Variants in GPI observed in about 807,000 individuals in gnomAD.
GPI encodes the protein glucose-6-phosphate isomerase.
A neutral mutation model predicts 75.8 loss-of-function variants in GPI; 56 were observed. That is an observed-to-expected ratio of 0.74 (90% CI 0.60 to 0.92). The LOEUF (loss-of-function observed/expected upper bound fraction) is 0.92. Among genes scored for constraint, GPI ranks in the 40% least tolerant of loss-of-function variants. GPI has a pLI of 0.00. For missense variants in GPI, 638 were observed against 741.0 expected (o/e 0.86, Z 1.61); for synonymous variants, 288 against 285.4 (o/e 1.01, Z -0.09).
intron 14 of GPI, chr19:34,397,622 C>G (rs1488572884): frequency 6.6e-6 from 1 of 150,964 alleles, no homozygotes; most frequent in South Asian, 2.1e-4. Context: ...CTGAGACTTA[C>G]AGGCACTAAC....
intron 8 of GPI, among the ~76,000 whole-genome samples, chr19:34,380,144 A>G (rs1208688029): frequency 1.3e-5 from 2 of 150,494 alleles, no homozygotes; most frequent in African/African-American, 2.4e-5. Context: ...TTACAGGTGC[A>G]CGCCACCATG....
At position 34,365,293 on chromosome 19, in the gene GPI, G is replaced by C; in HGVS notation, c.27G>C (p.Gln9His). 1 of 1,581,470 alleles carries C rather than the reference G, an allele frequency of 6.3e-7. No individual in the cohort carries two copies. The highest frequency in any genetic ancestry group is 1.1e-5 in the South Asian group (1 of 88,022). The change falls in exon 1 of 18, where the codon CAG (glutamine) becomes CAC (histidine). Residue 9 changes from glutamine (Q) to histidine (H), a missense_variant. Transcript: ENST00000356487. ...TGGCCGCTCTCACCCGGGACCCCCAGTTCCAGAAGCTGCAGCAATGGTACC... is the reference window on the plus strand; with the variant it reads ...TGGCCGCTCTCACCCGGGACCCCCACTTCCAGAAGCTGCAGCAATGGTACC... MAALTRDP[Q>H]FQKLQQWYRE... is the part of the protein sequence containing the mutation.
chr19:34,380,830 C>G (rs2074638603), intron 8 of GPI: 1 of 181,494 alleles, frequency 5.5e-6, no homozygotes, highest in South Asian at 1.2e-4. Context: ...CAGTGCCTAC[C>G]CAGCTGCAGC....
At chr19:34,385,188 A>C (rs2074715054) in intron 9 of GPI, among the ~76,000 whole-genome samples, 2 of 152,154 alleles carry the variant, frequency 1.3e-5, no homozygotes, top group Non-Finnish European at 2.9e-5. Context: ...TTTCTACTAA[A>C]AAATACAAAA....
upstream of GPI, among the ~76,000 whole-genome samples, chr19:34,362,360 G>GAAA (rs2074306056): frequency 2.0e-5 from 3 of 152,278 alleles, no homozygotes; most frequent in South Asian, 6.2e-4. Flanking sequence ...AAGTAAATGT[G>GAAA]AAATCTGGAA....
chr19:34,368,545 G>C (rs777850547), intron 3 of GPI, 38 bp from the exon 4 acceptor site: 20 of 1,605,828 alleles, frequency 1.2e-5, no homozygotes, highest in Middle Eastern at 1.7e-4. Flanking sequence ...GCCTGGGGTT[G>C]GGGGGGGCAG....
At position 34,393,742 on chromosome 19, in the gene GPI, G is replaced by A. The variant is rs560277140; in HGVS notation, c.880G>A (p.Glu294Lys). Residue 294 changes from glutamate to lysine, a missense_variant, in exon 11 of 18, where the codon GAG becomes AAG. Physicochemically the swap from Glu to Lys is moderately conservative, Grantham distance 56. Transcript: ENST00000356487. The surrounding 1 kb of genome is among the most constrained non-coding windows in gnomAD (Gnocchi z 4.4). ...TTGTGTCACAGGTTTTGACAACTTC[G>A]AGCAGCTGCTCTCGGGGGCTCACTG... ...IALHVGFDNF[E>K]QLLSGAHWMD... 9.0e-5 allele frequency: 146 copies of A among 1,613,378 alleles called. 1 individual carries two copies. In the South Asian group the frequency reaches 1.5e-3, roughly 16 times the overall value.
intron 6 of GPI, 55 bp from the exon 7 acceptor site, chr19:34,378,879 A>G (rs2074594575): frequency 7.3e-7 from 1 of 1,364,984 alleles, no homozygotes; most frequent in Non-Finnish European, 1.0e-6. Context: ...CCCTGGCTCA[A>G]GGCCTGCACC....
chr19:34,361,889 G>A (rs992493876), upstream of GPI, among the ~76,000 whole-genome samples: 2 of 151,908 alleles, frequency 1.3e-5, no homozygotes, highest in African/African-American at 4.8e-5. Flanking sequence ...GGCTGAGGCA[G>A]ACGGATCACG....
In GPI at chr19:34,393,489, G is replaced by A. The variant is rs1280119028; in HGVS notation, c.865+181G>A. The A allele has an allele frequency of 1.9e-5, 14 of 728,272 alleles. No individual in the cohort carries two copies. Among genetic ancestry groups the A allele is most frequent in the Non-Finnish European group, 3.4e-5 (14 of 409,346 alleles). 45.1% of individuals were successfully genotyped at this position (728,272 alleles called of 1,614,324 possible). On this transcript the variant is annotated intron_variant, in intron 10 of 17. Transcript: ENST00000356487. The surrounding 1 kb of genome is among the most constrained non-coding windows in gnomAD (Gnocchi z 4.4). ...GGTCTGGGTTTTTTTGCGTGTGCAAGTTGGCCCCCGTCTTTGCCCCTCACA... is the reference window on the plus strand; with the variant it reads ...GGTCTGGGTTTTTTTGCGTGTGCAAATTGGCCCCCGTCTTTGCCCCTCACA...
At chr19:34,396,508 G>C in intron 13 of GPI, 73 bp from the exon 14 acceptor site, 1 of 1,611,878 alleles carries the variant, frequency 6.2e-7, no homozygotes, top group Non-Finnish European at 8.5e-7. Flanking sequence ...ACTTAGGTCA[G>C]TGCCCTCCTC....
At chr19:34,383,100 T>G (rs989570995) in intron 9 of GPI, among the ~76,000 whole-genome samples, 5 of 152,116 alleles carry the variant, frequency 3.3e-5, no homozygotes, top group Non-Finnish European at 7.4e-5. Context: ...GAGGTAATTC[T>G]TGGTCCGCCA....
At chr19:34,380,368 C>G (rs1396863127) in intron 8 of GPI, among the ~76,000 whole-genome samples, 3 of 152,118 alleles carry the variant, frequency 2.0e-5, no homozygotes, top group Non-Finnish European at 4.4e-5. Context: ...ACTGCAACCT[C>G]TGCCTTCTGG....
At position 34,377,523 on chromosome 19, in the gene GPI, G is replaced by A. The variant is rs1370524959; in HGVS notation, c.423G>A (p.Trp141Ter). Residue 141 changes from tryptophan (W) to a stop codon, truncating the protein, a stop_gained, in exon 5 of 18, where the codon TGG (tryptophan) becomes TGA (stop). Coordinates refer to ENST00000356487, the MANE Select transcript of GPI (RefSeq NM_000175.5). LOFTEE classifies it high-confidence loss of function. The stretch of plus-strand genomic sequence containing the variant: ...GCCAGCGTGTCCGGAGCGGTGACTG[G>A]AAGGGGTACACAGGCAAGACCATCA... ...SFCQRVRSGD[W>*]KGYTGKTITD... 6.2e-7 allele frequency: 1 copy of A among 1,612,914 alleles called. No homozygotes were observed. The highest frequency in any genetic ancestry group is 1.1e-5 in the South Asian group (1 of 91,032).
At chr19:34,367,260 G>A (rs1224988034) in intron 3 of GPI, 1 of 344,582 alleles carries the variant, frequency 2.9e-6, no homozygotes, top group South Asian at 2.3e-5. Context: ...CAGGCCTGGG[G>A]GCCCCTGTTC....
chr19:34,380,952 C>A, intron 8 of GPI: 1 of 258,352 alleles, frequency 3.9e-6, no homozygotes, highest in South Asian at 4.6e-5. Context: ...CCCTGTCTGC[C>A]CTGGGGACCA....
chr19:34,385,385 A>C (rs2074720096), intron 9 of GPI, among the ~76,000 whole-genome samples: 1 of 150,406 alleles, frequency 6.6e-6, no homozygotes, highest in Admixed American at 6.6e-5. Context: ...AAGAAAAAAG[A>C]TGGGTGGGTA....
At chr19:34,369,933 T>C (rs542864612) in intron 4 of GPI, among the ~76,000 whole-genome samples, 218 of 152,240 alleles carry the variant, frequency 1.4e-3, no homozygotes, top group Non-Finnish European at 2.5e-3. Flanking sequence ...TAAATAAATT[T>C]AAAAAATAGA....
intron 3 of GPI, among the ~76,000 whole-genome samples, chr19:34,368,213 G>A (rs1438729693): frequency 1.3e-5 from 2 of 152,228 alleles, no homozygotes; most frequent in East Asian, 1.9e-4. Flanking sequence ...GAGCCATGGC[G>A]CCCGGCCTCT....
Sources: gnomAD v4.1 joint callset for allele counts (sites outside exome capture counted in the v4.1 genomes callset) on GRCh38, gnomAD v4.1.1 for gene constraint, Gnocchi (gnomAD v3.1) non-coding constraint, MANE v1.5 for transcripts, NCBI Gene and HGNC (gene_info 2026-07-23, HGNC 2026-07-21) for gene names.